KIAA0513: variants seen among roughly 807,000 people sequenced by gnomAD.
KIAA0513 encodes the protein KIAA0513, also known as uncharacterized protein KIAA0513.
Under a neutral mutation model 56.5 loss-of-function variants are expected in KIAA0513, and 39 were observed. That is an observed-to-expected ratio of 0.69 (90% CI 0.53 to 0.90). The LOEUF (loss-of-function observed/expected upper bound fraction) is 0.90, where lower values mean the gene tolerates loss of function less well. KIAA0513 is among the 40% of genes least tolerant of loss of function. The pLI, the probability that KIAA0513 is intolerant of heterozygous loss-of-function variation, is 0.00. For missense variants in KIAA0513, 591 were observed against 535.2 expected (o/e 1.10, Z -1.03); for synonymous variants, 268 against 215.6 (o/e 1.24, Z -2.13).
intron 1 of KIAA0513, among the ~76,000 whole-genome samples, chr16:85,047,369 G>A (rs183797737): frequency 1.4e-4 from 22 of 152,228 alleles, no homozygotes; most frequent in African/African-American, 4.6e-4. Context: ...GCAATCTCTC[G>A]AGCACTTTCC....
intron 1 of KIAA0513, among the ~76,000 whole-genome samples, chr16:85,034,892 C>A (rs923305497): frequency 6.6e-6 from 1 of 152,178 alleles, no homozygotes; most frequent in African/African-American, 2.4e-5. Context: ...ATCTCTGGAC[C>A]TGGGTTCTTT....
Position 85,088,485 on chromosome 16 carries a change from T to C in KIAA0513, c.*160T>C. 1 of 621,452 alleles carries C rather than the reference T, an allele frequency of 1.6e-6. No individual in the cohort carries two copies. Among genetic ancestry groups the C allele is most frequent in the Non-Finnish European group, 2.9e-6 (1 of 347,762 alleles). 38.5% of individuals were successfully genotyped at this position (621,452 alleles called of 1,614,324 possible). A position where few individuals can be genotyped will look rare whatever the true frequency, so the allele number is the denominator to read the frequency against. On this transcript the variant is annotated 3_prime_UTR_variant, in exon 13 of 13. Coordinates refer to ENST00000683363, the MANE Select transcript of KIAA0513 (RefSeq NM_001388359.1). ...AGCGGTTAGAAGAATCCGCTGTTCCTCCCTCATCTCCTCTGCCTGTGTCTG... is the reference window on the plus strand; with the variant it reads ...AGCGGTTAGAAGAATCCGCTGTTCCCCCCTCATCTCCTCTGCCTGTGTCTG...
At chr16:85,053,169 G>A (rs1350802253) in intron 1 of KIAA0513, among the ~76,000 whole-genome samples, 14 of 152,190 alleles carry the variant, frequency 9.2e-5, no homozygotes, top group Non-Finnish European at 1.3e-4. Flanking sequence ...GATTACAGGC[G>A]TGAGCCACCA....
chr16:85,071,103 GC>G (rs2073566615), intron 2 of KIAA0513, among the ~76,000 whole-genome samples: 1 of 151,206 alleles, frequency 6.6e-6, no homozygotes, highest in Admixed American at 6.6e-5. Context: ...AAGAGTGTTG[GC>G]CCCTTGCAAA....
Position 85,077,615 on chromosome 16 carries a change from C to T in KIAA0513, c.765C>T (p.Pro255=). Residue 255 remains proline, a synonymous_variant, in exon 6 of 13, where the codon CCC becomes CCT. Transcript: ENST00000683363. ...FGGLETKLKG[P]LARRNEEDEN... ...GGCTGGAGACCAAGCTGAAGGGGCC[C>T]CTGGCCAGGAGGAACGAGTACGTGT... The T allele has an allele frequency of 3.1e-6, 5 of 1,612,362 alleles. No homozygotes were observed. In the South Asian group the frequency reaches 5.5e-5, roughly 18 times the overall value.
At chr16:85,048,890 G>A (rs746427087) in intron 1 of KIAA0513, among the ~76,000 whole-genome samples, 1 of 152,204 alleles carries the variant, frequency 6.6e-6, no homozygotes, top group African/African-American at 2.4e-5. Flanking sequence ...ACATTGAGGG[G>A]CAGGTTTTGG....
At chr16:85,052,075 A>G (rs544838598) in intron 1 of KIAA0513, among the ~76,000 whole-genome samples, 211 of 152,104 alleles carry the variant, frequency 1.4e-3, no homozygotes, top group Middle Eastern at 6.8e-3. Flanking sequence ...TAATCCCAGC[A>G]CTTTGGGAGG....
At chr16:85,031,455 G>C (rs992902338) in intron 1 of KIAA0513, among the ~76,000 whole-genome samples, 9 of 152,184 alleles carry the variant, frequency 5.9e-5, no homozygotes, top group African/African-American at 2.2e-4. Context: ...CTGCACCCCA[G>C]ACTTCAGTTT....
At position 85,081,535 on chromosome 16, in the gene KIAA0513, T is replaced by C. The variant is rs2144087478; in HGVS notation, c.980+143T>C. On this transcript the variant is annotated intron_variant, in intron 9 of 12. Transcript: ENST00000683363. The surrounding 1 kb of genome is among the most constrained non-coding windows in gnomAD (Gnocchi z 4.4). ...TTCACCCCCTCATGGCCCTGGTGCC[T>C]CGCAAGCTGCCTGAGGGGTCACAGC... is the stretch of plus-strand genomic sequence containing the variant. The C allele has an allele frequency of 1.3e-6, 1 of 753,650 alleles. No homozygotes were observed. Among genetic ancestry groups the C allele is most frequent in the Non-Finnish European group, 2.3e-6 (1 of 438,414 alleles). The allele number at this position is 753,650 out of a possible 1,614,324, so 46.7% of individuals were successfully genotyped here.
intron 1 of KIAA0513, among the ~76,000 whole-genome samples, chr16:85,052,923 C>G (rs2073274548): frequency 6.6e-6 from 1 of 152,134 alleles, no homozygotes. Flanking sequence ...GACCGTCTCG[C>G]TCTGTCACCC....
intron 2 of KIAA0513, among the ~76,000 whole-genome samples, chr16:85,069,374 CAGCAGCTGATTCAGA>C (rs2073538427): frequency 3.3e-5 from 5 of 152,040 alleles, no homozygotes; most frequent in Non-Finnish European, 1.5e-5. Context: ...CTATACTGGC[CAGCAGCTGATTCAGA>C]AGCAGCTGTT....
chr16:85,068,134 T>C (rs1160495282), intron 2 of KIAA0513, among the ~76,000 whole-genome samples: 1 of 151,474 alleles, frequency 6.6e-6, no homozygotes, highest in African/African-American at 2.4e-5. Context: ...TTCCAGTGCA[T>C]GTTGTTCCTG....
rs541433094 is a variant in KIAA0513, at chr16:85,089,168, G to A, written c.*843G>A. The A allele has an allele frequency of 2.6e-5, 4 of 152,376 alleles. No homozygotes were observed. The highest frequency in any genetic ancestry group is 9.6e-5 in the African/African-American group (4 of 41,586). The allele number at this position is 152,376 out of a possible 1,614,324, so 9.4% of individuals were successfully genotyped here. Reference sequence around the variant, plus strand: ...GCGTTGTGCTGTGTGTCCCTCGCAAGAAGCACAGGAAAGAGAAGTTTCTTT... The same window carrying A: ...GCGTTGTGCTGTGTGTCCCTCGCAAAAAGCACAGGAAAGAGAAGTTTCTTT... On this transcript the variant is annotated 3_prime_UTR_variant, in exon 13 of 13. Transcript: ENST00000683363. This position sits in a 1 kb window ranked among gnomAD's most constrained non-coding sequence, Gnocchi z 4.2.
intron 6 of KIAA0513, among the ~76,000 whole-genome samples, 181 bp from the exon 7 acceptor site, chr16:85,078,234 C>T (rs1352843403): frequency 2.6e-5 from 4 of 152,234 alleles, no homozygotes; most frequent in Non-Finnish European, 5.9e-5. Flanking sequence ...CTCAATGCCA[C>T]ATTTCCTGAA....
chr16:85,049,909 G>A (rs2073225869), intron 1 of KIAA0513, among the ~76,000 whole-genome samples: 1 of 152,156 alleles, frequency 6.6e-6, no homozygotes, highest in Non-Finnish European at 1.5e-5. Context: ...AAGGGGTTGG[G>A]GCAATATTCA....
intron 1 of KIAA0513, among the ~76,000 whole-genome samples, chr16:85,065,648 G>A (rs747149374): frequency 5.9e-5 from 9 of 152,212 alleles, no homozygotes; most frequent in South Asian, 2.1e-4. Flanking sequence ...CTGAAGATGC[G>A]TTCAGTTCAG....
chr16:85,029,557 G>T (rs1238629993), intron 1 of KIAA0513, among the ~76,000 whole-genome samples: 1 of 152,354 alleles, frequency 6.6e-6, no homozygotes, highest in South Asian at 2.1e-4. Flanking sequence ...AGTAGCCCCA[G>T]CGGCTCTGAG....
intron 1 of KIAA0513, among the ~76,000 whole-genome samples, chr16:85,034,536 T>A (rs2073009042): frequency 6.6e-6 from 1 of 152,108 alleles, no homozygotes. Flanking sequence ...GTTTTCGTAG[T>A]CTTGTGCCTT....
chr16:85,078,307 C>T, intron 6 of KIAA0513, 108 bp from the exon 7 acceptor site: 2 of 1,143,584 alleles, frequency 1.7e-6, no homozygotes, highest in South Asian at 1.3e-5. Context: ...TCAGAGCAAG[C>T]CGTATTAAAT....
Sources: allele counts gnomAD v4.1 joint callset (sites outside exome capture counted in the v4.1 genomes callset), GRCh38; gene constraint gnomAD v4.1.1; non-coding constraint Gnocchi (gnomAD v3.1); transcripts MANE v1.5; gene names NCBI Gene and HGNC (gene_info 2026-07-23, HGNC 2026-07-21).